Variants in HM13 observed in about 807,000 individuals in gnomAD.
HM13 encodes signal peptide peptidase.
HM13 carries 18 observed loss-of-function variants against 50.0 expected under a neutral mutation model. The observed-to-expected ratio is 0.36, with a 90% CI of 0.25 to 0.53. The LOEUF is 0.53. HM13 is among the 20% of genes least tolerant of loss of function. The pLI, the probability that HM13 is intolerant of heterozygous loss-of-function variation, is 0.90. For synonymous variants in HM13, 197 were observed against 232.6 expected (o/e 0.85, Z 1.39); for missense variants, 393 against 552.4 (o/e 0.71, Z 2.89).
At chr20:31,529,334 C>T (rs1982677249) in intron 2 of HM13, among the ~76,000 whole-genome samples, 1 of 152,130 alleles carries the variant, frequency 6.6e-6, no homozygotes, top group Non-Finnish European at 1.5e-5. Flanking sequence ...CAGCCTCAAC[C>T]TCCTGGGCTC....
At chr20:31,554,646 C>T (rs1455307739) in intron 7 of HM13, 100 bp from the exon 8 acceptor site, 11 of 910,646 alleles carry the variant, frequency 1.2e-5, no homozygotes, top group African/African-American at 6.7e-5. Context: ...TGCGCCACTG[C>T]ACTCCAGCCT....
chr20:31,533,406 G>A (rs1385951772), intron 2 of HM13, among the ~76,000 whole-genome samples: 4 of 152,234 alleles, frequency 2.6e-5, no homozygotes, highest in African/African-American at 9.6e-5. Flanking sequence ...TTGGGAGGCT[G>A]AGGCAGGAGA....
rs1371331477 is a variant in HM13 at position 31,539,234 on chromosome 20, G to A, written c.365+973G>A. 3.2e-5 allele frequency: 32 copies of A among 985,344 alleles called. No individual in the cohort carries two copies. The East Asian group carries it at 4.5e-4, about 14-fold the overall frequency. The allele number at this position is 985,344 out of a possible 1,614,324, so 61.0% of individuals were successfully genotyped here. ...GGCAACCTTGCCCTGCTCACCAAAT[G>A]GGAGTTGCATACCAGTATTCCCCAG... On this transcript the variant is annotated intron_variant, in intron 3 of 12. Transcript: ENST00000398174.
chr20:31,514,442 A>C lies in HM13; in HGVS notation c.-110A>C. On this transcript the variant is annotated 5_prime_UTR_variant, in exon 1 of 13. Coordinates refer to ENST00000398174, the MANE Select transcript of HM13 (RefSeq NM_178581.3). The surrounding 1 kb of genome is among the most constrained non-coding windows in gnomAD (Gnocchi z 4.3). ...GCGCGGGCTTGGGAGGGAGCACGTC[A>C]CTTCCTGTTGCCTTAGGGGAACGTG... 4.0e-6 allele frequency: 5 copies of C among 1,261,082 alleles called. No individual in the cohort carries two copies. Among genetic ancestry groups the C allele is most frequent in the Non-Finnish European group, 5.5e-6 (5 of 911,888 alleles). The allele number at this position is 1,261,082 out of a possible 1,614,324, so 78.1% of individuals were successfully genotyped here. A position where few individuals can be genotyped will look rare whatever the true frequency, so the allele number is the denominator to read the frequency against.
chr20:31,520,805 TGTG>T (rs1237812043), intron 1 of HM13, among the ~76,000 whole-genome samples: 5 of 152,118 alleles, frequency 3.3e-5, no homozygotes, highest in Admixed American at 3.3e-4. Context: ...GACTGGATGT[TGTG>T]GTAAAGAATG....
At chr20:31,555,562 AG>A in intron 8 of HM13, among the ~76,000 whole-genome samples, 1 of 152,270 alleles carries the variant, frequency 6.6e-6, no homozygotes, top group South Asian at 2.1e-4. Flanking sequence ...GAGCTGCTGA[AG>A]TGGCTGAGGC....
In HM13 at chr20:31,561,628, CTGCAGCT is replaced by C; in HGVS notation, c.846-3_849del. 1 of 1,594,468 alleles carries C rather than the reference CTGCAGCT, an allele frequency of 6.3e-7. No individual in the cohort carries two copies. The highest frequency in any genetic ancestry group is 8.6e-7 in the Non-Finnish European group (1 of 1,162,164). On this transcript the variant is annotated splice_acceptor_variant and splice_polypyrimidine_tract_variant and coding_sequence_variant and intron_variant, in exon 10 of 13. Transcript: ENST00000398174. LOFTEE classifies it high-confidence loss of function. ...CTCCTCCTCTTTCTTCACACCTTCC[CTGCAGCT>C]TGAAGAAGAATACCCACACCTACTT...
At chr20:31,522,749 C>T (rs1293370732) in intron 1 of HM13, among the ~76,000 whole-genome samples, 1 of 152,018 alleles carries the variant, frequency 6.6e-6, no homozygotes, top group African/African-American at 2.4e-5. Context: ...AATAATGATA[C>T]AAATGGTGTA....
At chr20:31,549,922 C>G (rs1389738630) in intron 6 of HM13, 142 bp from the exon 7 acceptor site, 1 of 708,076 alleles carries the variant, frequency 1.4e-6, no homozygotes, top group Non-Finnish European at 2.6e-6. Context: ...GGCCACCTCA[C>G]CTCAGCTTCA....
chr20:31,547,632 C>T (rs753750851), intron 4 of HM13: 6 of 1,577,294 alleles, frequency 3.8e-6, no homozygotes, highest in African/African-American at 2.7e-5. Context: ...TTAATCAAAT[C>T]ATGCCTAAGA....
intron 2 of HM13, among the ~76,000 whole-genome samples, chr20:31,534,329 A>C (rs1982988835): frequency 6.6e-6 from 1 of 152,154 alleles, no homozygotes; most frequent in African/African-American, 2.4e-5. Flanking sequence ...AGCTCCAAGG[A>C]AGCCACTCAA....
At chr20:31,530,244 A>G (rs1442764888) in intron 2 of HM13, among the ~76,000 whole-genome samples, 1 of 152,154 alleles carries the variant, frequency 6.6e-6, no homozygotes, top group Non-Finnish European at 1.5e-5. Context: ...TTTTCAACCT[A>G]AAGTACAAAT....
chr20:31,567,399 G>A (rs1984986481), intron 11 of HM13, among the ~76,000 whole-genome samples: 1 of 151,978 alleles, frequency 6.6e-6, no homozygotes, highest in African/African-American at 2.4e-5. Flanking sequence ...GGTGCCCCTG[G>A]CCTTTACCTG....
At chr20:31,559,100 G>A (rs1324398254) in intron 8 of HM13, among the ~76,000 whole-genome samples, 2 of 152,120 alleles carry the variant, frequency 1.3e-5, no homozygotes, top group African/African-American at 4.8e-5. Context: ...TGTATTTTTA[G>A]TGAGACGAGG....
At chr20:31,526,954 TG>T (rs557292869) in intron 1 of HM13, among the ~76,000 whole-genome samples, 3 of 152,258 alleles carry the variant, frequency 2.0e-5, no homozygotes, top group Non-Finnish European at 4.4e-5. Flanking sequence ...CATACTGGAA[TG>T]GCCTCTGCCA....
In HM13 at chr20:31,569,212, A is replaced by T; in HGVS notation, c.1274A>T (p.Glu425Val). 3 of 1,588,276 alleles carry T rather than the reference A, an allele frequency of 1.9e-6. No individual in the cohort carries two copies. The highest frequency in any genetic ancestry group is 2.6e-6 in the Non-Finnish European group (3 of 1,165,514). Residue 425 changes from glutamate (E) to valine (V), a missense_variant, in exon 13 of 13, where the codon GAG becomes GTG. Physicochemically the swap from Glu to Val is moderately radical, Grantham distance 121. Around this residue, in one of 3 missense-constraint regions of HM13, gnomAD observed 105 missense variants for 115.9 expected, o/e 0.91. Coordinates refer to ENST00000398174, the MANE Select transcript of HM13 (RefSeq NM_178581.3). ...GCATCGAAGGGGCTGGAGAAGAAAG[A>T]GAAATGATGCAGCTGGTGCCCGAGC... is the stretch of plus-strand genomic sequence containing the variant. ...ASASKGLEKK[E>V]K
intron 1 of HM13, among the ~76,000 whole-genome samples, chr20:31,524,430 A>T (rs1459291973): frequency 6.6e-6 from 1 of 152,164 alleles, no homozygotes; most frequent in African/African-American, 2.4e-5. Context: ...ATTCCCACAG[A>T]TGGAATTGCT....
intron 2 of HM13, among the ~76,000 whole-genome samples, chr20:31,533,889 T>C (rs1982962283): frequency 6.6e-6 from 1 of 152,178 alleles, no homozygotes; most frequent in African/African-American, 2.4e-5. Context: ...TTTTTTGTCC[T>C]TGTTTTTACA....
At chr20:31,561,793 C>A in intron 10 of HM13, 57 bp downstream of exon 10, 3 of 1,198,426 alleles carry the variant, frequency 2.5e-6, no homozygotes, top group Non-Finnish European at 3.7e-6. Context: ...GAGGGACTTA[C>A]AGAGGGATTT....
Sources: allele counts gnomAD v4.1 joint callset (sites outside exome capture counted in the v4.1 genomes callset), GRCh38; gene constraint gnomAD v4.1.1; regional missense constraint gnomAD v4.1.1; non-coding constraint Gnocchi (gnomAD v3.1); transcripts MANE v1.5; gene names NCBI Gene and HGNC (gene_info 2026-07-23, HGNC 2026-07-21).